LITAF: variants seen among roughly 807,000 people sequenced by gnomAD.
The protein encoded by LITAF is lipopolysaccharide-induced tumor necrosis factor-alpha factor.
In LITAF, 9 loss-of-function variants were observed where a neutral mutation model predicts 14.5. The ratio of observed to expected loss-of-function variants is 0.62; its 90% CI spans 0.37 to 1.08. The LOEUF (loss-of-function observed/expected upper bound fraction) is 1.08, where lower values mean the gene tolerates loss of function less well. Ranked by LOEUF, LITAF falls within the 50% of genes least tolerant of loss-of-function variation. The pLI, the probability that LITAF is intolerant of heterozygous loss-of-function variation, is 0.01. For missense variants in LITAF, 206 were observed against 213.4 expected (o/e 0.97, Z 0.22); for synonymous variants, 98 against 88.2 (o/e 1.11, Z -0.62).
At chr16:11,624,327 T>A (rs1183824333) in intron 3 of LITAF, among the ~76,000 whole-genome samples, 3 of 152,184 alleles carry the variant, frequency 2.0e-5, no homozygotes, top group Admixed American at 1.3e-4. Flanking sequence ...ACTCCCACGG[T>A]TGAATCTCAC....
upstream of LITAF, among the ~76,000 whole-genome samples, chr16:11,601,132 C>A (rs2064923964): frequency 1.3e-5 from 2 of 152,092 alleles, no homozygotes; most frequent in African/African-American, 4.8e-5. Context: ...CCTCACTCCT[C>A]CTTTTGCACC....
At chr16:11,608,645 CTGAG>C (rs2141874800) in intron 3 of LITAF, among the ~76,000 whole-genome samples, 1 of 152,300 alleles carries the variant, frequency 6.6e-6, no homozygotes, top group African/African-American at 2.4e-5. Flanking sequence ...AAACAGTACA[CTGAG>C]TGAGAGAAGT....
At chr16:11,609,793 G>A (rs2141876481) in intron 3 of LITAF, among the ~76,000 whole-genome samples, 1 of 152,180 alleles carries the variant, frequency 6.6e-6, no homozygotes, top group South Asian at 2.1e-4. Context: ...CACTCCAGAA[G>A]CCTCCAGAAT....
intron 1 of LITAF, among the ~76,000 whole-genome samples, chr16:11,560,748 G>C (rs1194008730): frequency 2.6e-5 from 4 of 152,194 alleles, no homozygotes; most frequent in Non-Finnish European, 4.4e-5. Flanking sequence ...AGGTCTTTAA[G>C]AGGAGCAAGA....
chr16:11,615,185 G>C (rs1187695712), intron 3 of LITAF, among the ~76,000 whole-genome samples: 1 of 152,220 alleles, frequency 6.6e-6, no homozygotes, highest in African/African-American at 2.4e-5. Context: ...AGGAAGAAAA[G>C]CGACACCCAG....
intron 3 of LITAF, among the ~76,000 whole-genome samples, chr16:11,608,182 C>A (rs1457271527): frequency 4.6e-5 from 7 of 152,212 alleles, no homozygotes. Flanking sequence ...AGATAAACCC[C>A]ACTGGGGTTC....
chr16:11,631,344 T>C (rs2065116912), intron 3 of LITAF, among the ~76,000 whole-genome samples: 1 of 152,174 alleles, frequency 6.6e-6, no homozygotes, highest in African/African-American at 2.4e-5. Flanking sequence ...TCTTTCAGCT[T>C]CTGGTGGCTC....
At chr16:11,596,350 G>A (rs1332467978) in intron 1 of LITAF, among the ~76,000 whole-genome samples, 3 of 151,510 alleles carry the variant, frequency 2.0e-5, no homozygotes, top group South Asian at 2.1e-4. Context: ...ACACACAGGT[G>A]TCCTCTTGGC....
At chr16:11,552,175 C>G (rs2064191922) in intron 3 of LITAF, among the ~76,000 whole-genome samples, 1 of 152,154 alleles carries the variant, frequency 6.6e-6, no homozygotes, top group Non-Finnish European at 1.5e-5. Context: ...GCATGAGGCT[C>G]CTGAAACTCA....
chr16:11,595,801 G>C lies in LITAF; in HGVS notation c.-6+2587C>G, dbSNP rs374175564. Among the ~76,000 whole-genome samples the C allele has an allele frequency of 1.4e-4, 22 of 152,326 alleles. No individual in the cohort carries two copies. In the East Asian group the frequency reaches 2.1e-3, roughly 15 times the overall value. ...ATGCCCAGTTAATCTGAATTGCAGAGAAGTAGCAAATGCCTGTTGGTCATT... is the reference window on the plus strand; with the variant it reads ...ATGCCCAGTTAATCTGAATTGCAGACAAGTAGCAAATGCCTGTTGGTCATT... On this transcript the variant is annotated intron_variant, in intron 1 of 3. Coordinates refer to the LITAF transcript ENST00000571627.
chr16:11,594,223 T>G (rs1013956152), intron 1 of LITAF, among the ~76,000 whole-genome samples: 3 of 151,854 alleles, frequency 2.0e-5, no homozygotes, highest in East Asian at 1.9e-4. Context: ...ATACTGGTGG[T>G]GACTGCAAAA....
At chr16:11,598,018 G>C (rs565774994) in intron 1 of LITAF, among the ~76,000 whole-genome samples, 4 of 152,236 alleles carry the variant, frequency 2.6e-5, no homozygotes, top group East Asian at 3.9e-4. Context: ...CAATTCTCCC[G>C]CCTCAGACAC....
At chr16:11,602,865 C>A (rs1440886721), upstream of LITAF, among the ~76,000 whole-genome samples, 1 of 151,828 alleles carries the variant, frequency 6.6e-6, no homozygotes, top group South Asian at 2.1e-4. Context: ...AATCTCAGAG[C>A]TTTGAGAGGC....
chr16:11,554,566 G>A lies in LITAF; in HGVS notation c.221-877C>T, dbSNP rs534453110. Among the ~76,000 whole-genome samples the A allele has an allele frequency of 3.6e-3, 553 of 152,212 alleles. 3 individuals carry two copies. The highest frequency in any genetic ancestry group is 0.013 in the African/African-American group (520 of 41,522). On this transcript the variant is annotated intron_variant, in intron 2 of 3. Coordinates refer to ENST00000622633, the MANE Select transcript of LITAF (RefSeq NM_001136472.2). ...CCTTGGCTTTGGGAGGCCGAGGTGC[G>A]TGGATCACCAGAGGTCAGGAGTTCA...
chr16:11,622,512 G>T (rs2065057577), intron 3 of LITAF, among the ~76,000 whole-genome samples: 1 of 151,946 alleles, frequency 6.6e-6, no homozygotes, highest in Non-Finnish European at 1.5e-5. Flanking sequence ...CTGTGCAGAT[G>T]GAGGAGGCTG....
At chr16:11,619,225 C>G (rs956668925) in intron 3 of LITAF, among the ~76,000 whole-genome samples, 1 of 151,620 alleles carries the variant, frequency 6.6e-6, no homozygotes, top group Admixed American at 6.6e-5. Flanking sequence ...GGAGGAGAGT[C>G]GTTTGAACCT....
chr16:11,620,925 T>G (rs970903619), intron 3 of LITAF, among the ~76,000 whole-genome samples: 2 of 152,228 alleles, frequency 1.3e-5, no homozygotes, highest in African/African-American at 4.8e-5. Flanking sequence ...TGAGATGGTC[T>G]CGCTCTGTTG....
At position 11,605,418 on chromosome 16, in the gene LITAF, G is replaced by A. The variant is rs907771937; in HGVS notation, c.85+28115C>T. ...GACTGGGAAGAGGGAAAGGAGCACA[G>A]CTAGCACTGCCCTGGGCTCCCTTCA... On this transcript the variant is annotated intron_variant, in intron 3 of 3. Coordinates refer to the LITAF transcript ENST00000574848. The surrounding 1 kb of genome is among the most constrained non-coding windows in gnomAD (Gnocchi z 4.7). 6.6e-6 allele frequency among the ~76,000 whole-genome samples: 1 copy of A among 152,152 alleles called. No individual in the cohort carries two copies. The highest frequency in any genetic ancestry group is 2.4e-5 in the African/African-American group (1 of 41,446).
intron 2 of LITAF, chr16:11,556,156 C>T: frequency 2.3e-6 from 1 of 426,100 alleles, no homozygotes; most frequent in Non-Finnish European, 4.2e-6. Context: ...CCTACCTCGG[C>T]CCTGGCCTCA....
Sources: gnomAD v4.1 joint callset for allele counts (sites outside exome capture counted in the v4.1 genomes callset) on GRCh38, gnomAD v4.1.1 for gene constraint, Gnocchi (gnomAD v3.1) non-coding constraint, MANE v1.5 for transcripts, NCBI Gene and HGNC (gene_info 2026-07-23, HGNC 2026-07-21) for gene names.